The following TXNDC8 variants were observed in gnomAD, a reference collection of about 807,000 sequenced individuals.
TXNDC8 encodes the protein thioredoxin domain-containing protein 8.
A neutral mutation model predicts 12.9 loss-of-function variants in TXNDC8; 15 were observed. That is an observed-to-expected ratio of 1.16 (90% CI 0.78 to 1.79). TXNDC8 has a LOEUF of 1.79. Ranked by LOEUF, TXNDC8 falls within the 40% of genes most tolerant of loss-of-function variation. The pLI, the probability that TXNDC8 is intolerant of heterozygous loss-of-function variation, is 0.00. For missense variants in TXNDC8, 128 were observed against 113.2 expected, an observed-to-expected ratio of 1.13 and a Z score of -0.59; for synonymous variants, 40 against 35.4, an observed-to-expected ratio of 1.13 and a Z score of -0.46.
At chr9:110,334,362 A>T (rs970716208) in intron 1 of TXNDC8, 42 bp from the exon 2 acceptor site, 1 of 1,510,604 alleles carries the variant, frequency 6.6e-7, no homozygotes, top group African/African-American at 1.4e-5. Context: ...ATAATCACTG[A>T]ATCTCATGAC....
chr9:110,337,852 T>C lies in TXNDC8; in HGVS notation c.-56A>G, dbSNP rs115506880. The stretch of plus-strand genomic sequence containing the variant: ...CCCTGTTGGTTTAGTTGGATCACTG[T>C]AGCTGTCTCCTATTTATTACAGTAT... On this transcript the variant is annotated 5_prime_UTR_variant, in exon 1 of 5. Transcript: ENST00000423740. 6.4e-4 allele frequency: 988 copies of C among 1,540,436 alleles called. 3 individuals carry two copies. The African/African-American group carries it at 0.012, about 19-fold the overall frequency.
At chr9:110,325,415 A>T (rs1587979941) in intron 3 of TXNDC8, among the ~76,000 whole-genome samples, 1 of 151,936 alleles carries the variant, frequency 6.6e-6, no homozygotes, top group Non-Finnish European at 1.5e-5. Flanking sequence ...AATCATGGGA[A>T]CCTGAATCCC....
chr9:110,326,608 G>A (rs1839327427), intron 2 of TXNDC8, among the ~76,000 whole-genome samples: 1 of 152,090 alleles, frequency 6.6e-6, no homozygotes, highest in Non-Finnish European at 1.5e-5. Context: ...AGAGCTTATT[G>A]CAAAAATAGA....
chr9:110,313,082 T>A (rs1003860889), intron 3 of TXNDC8, among the ~76,000 whole-genome samples: 2 of 152,044 alleles, frequency 1.3e-5, no homozygotes, highest in African/African-American at 4.8e-5. Flanking sequence ...ATTTTTGTAT[T>A]TTTAGTAGAG....
chr9:110,314,606 G>A (rs1019670479), intron 3 of TXNDC8, among the ~76,000 whole-genome samples: 1 of 151,610 alleles, frequency 6.6e-6, no homozygotes, highest in Admixed American at 6.6e-5. Flanking sequence ...CTAATTTTTT[G>A]TATTTTTAGT....
At chr9:110,301,862 C>T (rs1456124460), downstream of TXNDC8, among the ~76,000 whole-genome samples, 1 of 152,172 alleles carries the variant, frequency 6.6e-6, no homozygotes, top group Admixed American at 6.5e-5. Flanking sequence ...TTTTAAGTGC[C>T]TATTCCAGTG....
chr9:110,301,985 T>C (rs909027706), downstream of TXNDC8, among the ~76,000 whole-genome samples: 6 of 151,896 alleles, frequency 4.0e-5, no homozygotes, highest in African/African-American at 1.4e-4. Context: ...ATCTATTTAT[T>C]TATTTATTTT....
intron 2 of TXNDC8, among the ~76,000 whole-genome samples, chr9:110,330,249 A>G (rs1410865187): frequency 6.6e-6 from 1 of 152,224 alleles, no homozygotes; most frequent in Admixed American, 6.5e-5. Context: ...TCTGAAAGTC[A>G]CTGCTCTAGT....
At chr9:110,309,552 G>A (rs1838584658) in intron 3 of TXNDC8, among the ~76,000 whole-genome samples, 1 of 152,058 alleles carries the variant, frequency 6.6e-6, no homozygotes, top group Admixed American at 6.6e-5. Flanking sequence ...ACCAGGCTGG[G>A]CTTGAACGCC....
At chr9:110,330,041 C>A (rs1294755280) in intron 2 of TXNDC8, among the ~76,000 whole-genome samples, 1 of 152,120 alleles carries the variant, frequency 6.6e-6, no homozygotes, top group African/African-American at 2.4e-5. Flanking sequence ...GTGGCAGCAG[C>A]CACAGCAGCA....
intron 3 of TXNDC8, chr9:110,322,938 T>C (rs1373071938): frequency 1.0e-6 from 1 of 985,274 alleles, no homozygotes; most frequent in Non-Finnish European, 1.2e-6. Context: ...CTTGGACTAG[T>C]ATGAGAAAAA....
At chr9:110,325,616 G>A (rs1839282403) in intron 3 of TXNDC8, among the ~76,000 whole-genome samples, 1 of 151,034 alleles carries the variant, frequency 6.6e-6, no homozygotes, top group South Asian at 2.1e-4. Context: ...CGCGTCCTGG[G>A]TTCATGCCAT....
At chr9:110,306,942 A>G (rs1838491828) in intron 3 of TXNDC8, among the ~76,000 whole-genome samples, 1 of 151,512 alleles carries the variant, frequency 6.6e-6, no homozygotes, top group Non-Finnish European at 1.5e-5. Flanking sequence ...TCCATATATT[A>G]TTTATTTATT....
chr9:110,303,741 A>G, intron 4 of TXNDC8, 158 bp from the exon 6 acceptor site: 1 of 1,510,246 alleles, frequency 6.6e-7, no homozygotes, highest in Non-Finnish European at 8.9e-7. Context: ...AACACATTAA[A>G]TTCATAATAT....
chr9:110,321,677 C>T (rs557991711), intron 3 of TXNDC8, among the ~76,000 whole-genome samples: 1 of 150,324 alleles, frequency 6.7e-6, no homozygotes, highest in African/African-American at 2.4e-5. Context: ...TCTTGACCCA[C>T]CAGGAAAACA....
downstream of TXNDC8, among the ~76,000 whole-genome samples, chr9:110,301,893 A>G (rs1425620599): frequency 2.0e-5 from 3 of 152,200 alleles, no homozygotes; most frequent in Admixed American, 1.3e-4. Context: ...TAAGTGCTCA[A>G]TGCATATTTG....
chr9:110,331,743 T>C (rs1839551691), intron 2 of TXNDC8, among the ~76,000 whole-genome samples: 1 of 152,218 alleles, frequency 6.6e-6, no homozygotes, highest in Non-Finnish European at 1.5e-5. Flanking sequence ...ATCCCTCGCA[T>C]GTGCAATTCA....
chr9:110,305,841 CTTTTCTTTTCTTTCTTTTTCTTTT>C (rs1838449077), intron 3 of TXNDC8, among the ~76,000 whole-genome samples: 1 of 113,838 alleles, frequency 8.8e-6, no homozygotes, highest in African/African-American at 3.4e-5. Context: ...CTTTTCCTTT[CTTTTCTTTTCTTTCTTTTTCTTTT>C]CTTTTCTTTT....
chr9:110,310,605 C>T (rs71501623), intron 3 of TXNDC8, among the ~76,000 whole-genome samples: 8,601 of 152,150 alleles, frequency 0.057, 301 homozygotes, highest in Middle Eastern at 0.096. Context: ...AAAATAAAAG[C>T]ACTTGAATCA....
Sources: gnomAD v4.1 joint callset for allele counts (sites outside exome capture counted in the v4.1 genomes callset) on GRCh38, gnomAD v4.1.1 for gene constraint, MANE v1.5 for transcripts, NCBI Gene and HGNC (gene_info 2026-07-23, HGNC 2026-07-21) for gene names.